The following FBXO11 variants were observed in gnomAD, a reference collection of about 807,000 sequenced individuals.
FBXO11 encodes the protein F-box only protein 11.
FBXO11 carries 13 observed loss-of-function variants against 117.0 expected under a neutral mutation model. The observed-to-expected ratio is 0.11, with a 90% CI of 0.07 to 0.18. The LOEUF (loss-of-function observed/expected upper bound fraction) is 0.18. Among genes scored for constraint, FBXO11 ranks in the 10% least tolerant of loss-of-function variants. FBXO11 has a pLI of 1.00. For synonymous variants in FBXO11, 490 were observed against 380.5 expected, an observed-to-expected ratio of 1.29 and a Z score of -3.35; for missense variants, 767 against 1,164.4, an observed-to-expected ratio of 0.66 and a Z score of 4.97.
At chr2:47,857,909 G>A (rs975731205) in intron 1 of FBXO11, among the ~76,000 whole-genome samples, 5 of 151,912 alleles carry the variant, frequency 3.3e-5, no homozygotes, top group African/African-American at 4.8e-5. Context: ...TTTAAAAATC[G>A]CCATTATTTT....
chr2:47,844,199 T>A (rs1673229798), intron 1 of FBXO11, among the ~76,000 whole-genome samples: 1 of 152,232 alleles, frequency 6.6e-6, no homozygotes, highest in Non-Finnish European at 1.5e-5. Flanking sequence ...ACTGTTTCTT[T>A]TTCACACTGA....
chr2:47,837,294 A>G (rs1392096170), intron 4 of FBXO11, among the ~76,000 whole-genome samples: 2 of 152,230 alleles, frequency 1.3e-5, no homozygotes, highest in African/African-American at 4.8e-5. Flanking sequence ...TGGGAGGCCC[A>G]GGCAGGAGGA....
At chr2:47,821,197 C>T (rs753619780) in intron 13 of FBXO11, among the ~76,000 whole-genome samples, 6 of 152,192 alleles carry the variant, frequency 3.9e-5, no homozygotes, top group African/African-American at 7.2e-5. Context: ...TTAGGCCAGG[C>T]GTGGTGGCTC....
chr2:47,874,716 G>C (rs1437937186), intron 1 of FBXO11, among the ~76,000 whole-genome samples: 1 of 151,966 alleles, frequency 6.6e-6, no homozygotes, highest in African/African-American at 2.4e-5. Flanking sequence ...TCTATTTTTA[G>C]TAGAGATGGG....
Position 47,869,410 on chromosome 2 carries a change from C to T in FBXO11, c.233-29641G>A, listed in dbSNP as rs528440002. Among the ~76,000 whole-genome samples, 29 of 152,282 alleles carry T rather than the reference C, an allele frequency of 1.9e-4. No homozygotes were observed. In the East Asian group the frequency reaches 4.4e-3, roughly 23 times the overall value. On this transcript the variant is annotated intron_variant, in intron 1 of 22. Coordinates refer to ENST00000403359, the MANE Select transcript of FBXO11 (RefSeq NM_001190274.2). The stretch of plus-strand genomic sequence containing the variant: ...GGAGTGACTGATCTTGACAACCAAG[C>T]GGTAACTAACTCTACAATGAAGGAA...
chr2:47,903,470 C>A (rs1315627128), intron 1 of FBXO11, among the ~76,000 whole-genome samples: 1 of 152,214 alleles, frequency 6.6e-6, no homozygotes, highest in Non-Finnish European at 1.5e-5. Flanking sequence ...TGGCATGTGA[C>A]TGCCAACAAC....
At chr2:47,874,657 C>G (rs1427777170) in intron 1 of FBXO11, among the ~76,000 whole-genome samples, 1 of 152,140 alleles carries the variant, frequency 6.6e-6, no homozygotes, top group Non-Finnish European at 1.5e-5. Flanking sequence ...GCCTCAGCCT[C>G]CTGAGTAGCT....
At chr2:47,905,347 G>A in intron 1 of FBXO11, 142 bp downstream of exon 1, 1 of 882,478 alleles carries the variant, frequency 1.1e-6, no homozygotes, top group Non-Finnish European at 1.4e-6. Flanking sequence ...CTGCGGCACC[G>A]GGGGACCCGC....
chr2:47,845,646 T>C (rs1384525335), intron 1 of FBXO11, among the ~76,000 whole-genome samples: 2 of 152,214 alleles, frequency 1.3e-5, no homozygotes, highest in Non-Finnish European at 2.9e-5. Flanking sequence ...ATACCTTAGC[T>C]GCCTTATGTT....
intron 1 of FBXO11, among the ~76,000 whole-genome samples, chr2:47,869,610 G>A (rs1313701655): frequency 6.6e-6 from 1 of 152,166 alleles, no homozygotes; most frequent in Non-Finnish European, 1.5e-5. Context: ...AAAGATCCAC[G>A]GCCAGCTGAA....
chr2:47,809,590 T>G lies in FBXO11; in HGVS notation c.2446+10A>C. ...GCATATATTTATAGGTATAGCAGAC[T>G]CCAACATACCTTTCATTGTCACATT... is the stretch of plus-strand genomic sequence containing the variant. On this transcript the variant is annotated intron_variant, in intron 20 of 22. Coordinates refer to ENST00000403359, the MANE Select transcript of FBXO11 (RefSeq NM_001190274.2). 1 of 1,595,656 alleles carries G rather than the reference T, an allele frequency of 6.3e-7. No homozygotes were observed. Among genetic ancestry groups the G allele is most frequent in the Non-Finnish European group, 8.6e-7 (1 of 1,164,598 alleles).
intron 4 of FBXO11, among the ~76,000 whole-genome samples, chr2:47,837,249 G>A (rs956711931): frequency 1.3e-5 from 2 of 152,170 alleles, no homozygotes; most frequent in South Asian, 4.1e-4. Context: ...GGTGTGGGCC[G>A]GGCACAGTGG....
intron 11 of FBXO11, among the ~76,000 whole-genome samples, chr2:47,824,596 G>A (rs928255908): frequency 2.0e-5 from 3 of 152,118 alleles, no homozygotes; most frequent in Non-Finnish European, 2.9e-5. Context: ...CAATGTTTTT[G>A]AAGACTTAGG....
chr2:47,877,463 C>T (rs562128483), intron 1 of FBXO11, among the ~76,000 whole-genome samples: 36 of 152,112 alleles, frequency 2.4e-4, no homozygotes, highest in Non-Finnish European at 4.3e-4. Context: ...ATTTCTGTAT[C>T]AGTACACAGA....
rs746291458 is a variant in FBXO11 at position 47,808,283 on chromosome 2, AG to A, written c.2655-37del. The A allele has an allele frequency of 4.3e-6, 7 of 1,612,710 alleles. No homozygotes were observed. In the South Asian group the frequency reaches 6.6e-5, roughly 15 times the overall value. ...ATGAAACCCAAATATTAGAAAAGTG[AG>A]GGGGAAAGTAATTGGGTAATATATC... On this transcript the variant is annotated intron_variant, in intron 22 of 22. Coordinates refer to ENST00000403359, the MANE Select transcript of FBXO11 (RefSeq NM_001190274.2).
At chr2:47,902,365 C>T (rs916412689) in intron 1 of FBXO11, among the ~76,000 whole-genome samples, 1 of 152,290 alleles carries the variant, frequency 6.6e-6, no homozygotes, top group East Asian at 1.9e-4. Flanking sequence ...ACACAATAGT[C>T]CATGAAATAC....
At chr2:47,818,703 A>G (rs746769796) in intron 16 of FBXO11, 76 bp downstream of exon 16, 1 of 934,360 alleles carries the variant, frequency 1.1e-6, no homozygotes. Context: ...GCATTAAACA[A>G]TAAGCAAATT....
chr2:47,851,198 C>T (rs78593055), intron 1 of FBXO11, among the ~76,000 whole-genome samples: 14,734 of 152,108 alleles, frequency 0.097, 813 homozygotes, highest in Non-Finnish European at 0.13. Context: ...GACTCACAGA[C>T]GTTATTAACT....
intron 1 of FBXO11, among the ~76,000 whole-genome samples, chr2:47,850,282 T>C (rs1043093828): frequency 3.3e-5 from 5 of 152,078 alleles, no homozygotes; most frequent in Non-Finnish European, 7.4e-5. Context: ...AAAGATGAGT[T>C]AAGGGTTTCA....
Sources: allele counts gnomAD v4.1 joint callset (sites outside exome capture counted in the v4.1 genomes callset), GRCh38; gene constraint gnomAD v4.1.1; transcripts MANE v1.5; gene names NCBI Gene and HGNC (gene_info 2026-07-23, HGNC 2026-07-21).